Variants in NRG1 observed in about 807,000 individuals in gnomAD.
NRG1 encodes the protein pro-neuregulin-1, membrane-bound isoform.
NRG1 carries 18 observed loss-of-function variants against 63.8 expected under a neutral mutation model. That is an observed-to-expected ratio of 0.28 (90% CI 0.19 to 0.42). NRG1 has a LOEUF of 0.42. Among genes scored for constraint, NRG1 ranks in the 10% least tolerant of loss-of-function variants. The pLI is 1.00. For missense variants in NRG1, 762 were observed against 814.7 expected (o/e 0.94, Z 0.79); for synonymous variants, 302 against 301.3 (o/e 1.00, Z -0.02).
Position 32,422,516 on chromosome 8 carries a change from A to T in NRG1, c.38-173312A>T, listed in dbSNP as rs946251601. Among the ~76,000 whole-genome samples the T allele has an allele frequency of 8.9e-4, 135 of 152,238 alleles. 4 individuals are homozygous for T. Among genetic ancestry groups the T allele is most frequent in the Non-Finnish European group, 7.3e-5 (5 of 68,046 alleles). ...TCATAACAATGCTCTGATGAACCTCATGCATTCATCTTTGAGCTTTTGACC... is the reference window on the plus strand; with the variant it reads ...TCATAACAATGCTCTGATGAACCTCTTGCATTCATCTTTGAGCTTTTGACC... On this transcript the variant is annotated intron_variant, in intron 1 of 10. Transcript: ENST00000519301.
rs182385504 is a variant in NRG1, at chr8:31,857,576, C to T, written c.37+218145C>T. ...AAATGCAGAAATCACCCGTCTTCTG[C>T]GTCGCTCACACTGGGAGCTGTAGAC... On this transcript the variant is annotated intron_variant, in intron 1 of 10. Transcript: ENST00000519301. Among the ~76,000 whole-genome samples, 486 of 152,310 alleles carry T rather than the reference C, an allele frequency of 3.2e-3. 5 individuals are homozygous for T. Among genetic ancestry groups the T allele is most frequent in the African/African-American group, 0.011 (460 of 41,568 alleles).
chr8:31,924,487 C>A (rs571905638), intron 1 of NRG1, among the ~76,000 whole-genome samples: 1 of 152,016 alleles, frequency 6.6e-6, no homozygotes, highest in Non-Finnish European at 1.5e-5. Flanking sequence ...ATTGGTCATT[C>A]GTGCTGTAGT....
chr8:32,158,448 GATATATATATATAT>G (rs36087607), intron 1 of NRG1, among the ~76,000 whole-genome samples: 3 of 62,184 alleles, frequency 4.8e-5, no homozygotes, highest in African/African-American at 8.1e-5. Context: ...TGGTTTACAT[GATATATATATATAT>G]ATATATATAT....
chr8:31,664,732 G>A (rs1806349154), intron 1 of NRG1, among the ~76,000 whole-genome samples: 1 of 152,172 alleles, frequency 6.6e-6, no homozygotes, highest in Admixed American at 6.5e-5. Context: ...ATCAGGCATG[G>A]AAATTCTGAA....
chr8:32,349,438 T>C (rs1349488584), intron 1 of NRG1, among the ~76,000 whole-genome samples: 2 of 152,164 alleles, frequency 1.3e-5, no homozygotes, highest in Non-Finnish European at 2.9e-5. Flanking sequence ...ATAGGAGAAG[T>C]GGTACACTAT....
chr8:32,442,183 C>T (rs188354285), intron 1 of NRG1, among the ~76,000 whole-genome samples: 75 of 152,316 alleles, frequency 4.9e-4, no homozygotes, highest in African/African-American at 1.8e-3. Context: ...ACATCTGGTG[C>T]AACACAGGCA....
At chr8:31,826,125 T>A (rs956329333) in intron 1 of NRG1, among the ~76,000 whole-genome samples, 4 of 152,146 alleles carry the variant, frequency 2.6e-5, no homozygotes, top group Non-Finnish European at 5.9e-5. Flanking sequence ...AGGCTACATT[T>A]CCTAGTCTTA....
At position 32,016,860 on chromosome 8, in the gene NRG1, C is replaced by A. The variant is rs141753850; in HGVS notation, c.37+377429C>A. ...ACAATAAAATGATCCCAATCAGAGGCTGTTGTGTGAGCACAGCCTGTACAA... is the reference window on the plus strand; with the variant it reads ...ACAATAAAATGATCCCAATCAGAGGATGTTGTGTGAGCACAGCCTGTACAA... On this transcript the variant is annotated intron_variant, in intron 1 of 10. Transcript: ENST00000519301. 2.6e-3 allele frequency among the ~76,000 whole-genome samples: 391 copies of A among 152,286 alleles called. 3 individuals are homozygous for A. The highest frequency in any genetic ancestry group is 8.9e-3 in the African/African-American group (371 of 41,550).
chr8:32,327,709 T>C (rs1233652313), intron 1 of NRG1, among the ~76,000 whole-genome samples: 1 of 152,236 alleles, frequency 6.6e-6, no homozygotes, highest in Non-Finnish European at 1.5e-5. Context: ...ACAGTGGAAT[T>C]TGAAAGACAG....
intron 1 of NRG1, among the ~76,000 whole-genome samples, chr8:32,094,257 A>G (rs1282762825): frequency 2.0e-5 from 3 of 152,124 alleles, no homozygotes; most frequent in African/African-American, 4.8e-5. Context: ...ACAGAACCCT[A>G]TTGAGATAAT....
chr8:31,917,612 T>C (rs1431878476), intron 1 of NRG1, among the ~76,000 whole-genome samples: 1 of 152,190 alleles, frequency 6.6e-6, no homozygotes, highest in Non-Finnish European at 1.5e-5. Flanking sequence ...ACTGTAGCCT[T>C]GTAGTATAGT....
At chr8:32,448,511 G>A (rs1037026082) in intron 1 of NRG1, among the ~76,000 whole-genome samples, 2 of 152,174 alleles carry the variant, frequency 1.3e-5, no homozygotes, top group African/African-American at 2.4e-5. Flanking sequence ...GAGTCTGGGA[G>A]GAGGATCCAA....
chr8:32,240,190 C>T (rs1476000866), intron 1 of NRG1, among the ~76,000 whole-genome samples: 1 of 152,066 alleles, frequency 6.6e-6, no homozygotes, highest in Non-Finnish European at 1.5e-5. Context: ...CAAACTGTAG[C>T]ACAGCTATAC....
chr8:31,997,184 CTTT>C (rs56256338), intron 1 of NRG1, among the ~76,000 whole-genome samples: 75,319 of 137,306 alleles, frequency 0.55, 22,878 homozygotes, highest in Non-Finnish European at 0.7. Context: ...ATAGTGTAAC[CTTT>C]TTTTTTTTTT....
At chr8:32,737,916 G>GC (rs1442744341) in intron 6 of NRG1, among the ~76,000 whole-genome samples, 2 of 151,968 alleles carry the variant, frequency 1.3e-5, no homozygotes, top group East Asian at 3.9e-4. Context: ...CAAGTGATCA[G>GC]CCCACCTTGG....
chr8:31,719,768 G>A (rs748562698), intron 1 of NRG1, among the ~76,000 whole-genome samples: 5 of 152,122 alleles, frequency 3.3e-5, no homozygotes, highest in Non-Finnish European at 7.4e-5. Flanking sequence ...CATGTGTCAA[G>A]ATAAGAAATG....
At position 31,640,181 on chromosome 8, in the gene NRG1, C is replaced by T. The variant is rs2130821206; in HGVS notation, c.37+750C>T. The stretch of plus-strand genomic sequence containing the variant: ...GGGGCCTCGGTGTGCTACTCGTCCC[C>T]GCCCAGCGTGGGATCGGTGCAGGAG... On this transcript the variant is annotated intron_variant, in intron 1 of 10. Coordinates refer to the NRG1 transcript ENST00000519301. The surrounding 1 kb of genome is among the most constrained non-coding windows in gnomAD (Gnocchi z 6.3). 8.4e-7 allele frequency: 1 copy of T among 1,187,394 alleles called. No individual in the cohort carries two copies. Among genetic ancestry groups the T allele is most frequent in the African/African-American group, 1.6e-5 (1 of 61,862 alleles). 73.6% of individuals were successfully genotyped at this position (1,187,394 alleles called of 1,614,324 possible).
chr8:32,546,391 A>C (rs1588201910), upstream of NRG1, among the ~76,000 whole-genome samples: 1 of 152,064 alleles, frequency 6.6e-6, no homozygotes, highest in East Asian at 1.9e-4. Flanking sequence ...ATTCTAACAT[A>C]ATGCCATGTT....
At chr8:32,454,126 A>C (rs369830018) in intron 1 of NRG1, among the ~76,000 whole-genome samples, 52 of 152,334 alleles carry the variant, frequency 3.4e-4, no homozygotes, top group African/African-American at 1.2e-3. Context: ...GCTGCTGAGT[A>C]AGTTGTGAAA....
Sources: gnomAD v4.1 joint callset for allele counts (sites outside exome capture counted in the v4.1 genomes callset) on GRCh38, gnomAD v4.1.1 for gene constraint, Gnocchi (gnomAD v3.1) non-coding constraint, MANE v1.5 for transcripts, NCBI Gene and HGNC (gene_info 2026-07-23, HGNC 2026-07-21) for gene names.